Variants in PTPRT observed in about 807,000 individuals in gnomAD.
The protein encoded by PTPRT is receptor-type tyrosine-protein phosphatase T.
PTPRT carries 56 observed loss-of-function variants against 176.8 expected under a neutral mutation model. The observed-to-expected ratio is 0.32, with a 90% CI of 0.26 to 0.40. The LOEUF is 0.40. Among genes scored for constraint, PTPRT ranks in the 10% least tolerant of loss-of-function variants. The pLI is 1.00. For synonymous variants in PTPRT, 783 were observed against 739.0 expected (o/e 1.06, Z -0.96); for missense variants, 1,540 against 1,908.2 (o/e 0.81, Z 3.60).
intron 11 of PTPRT, among the ~76,000 whole-genome samples, chr20:42,320,164 C>T (rs1021816577): frequency 6.6e-6 from 1 of 152,202 alleles, no homozygotes; most frequent in Non-Finnish European, 1.5e-5. Context: ...AAGGTGACTT[C>T]TGTAAGGTCA....
At chr20:42,973,195 T>C (rs561175323) in intron 1 of PTPRT, among the ~76,000 whole-genome samples, 2 of 151,962 alleles carry the variant, frequency 1.3e-5, no homozygotes, top group South Asian at 4.2e-4. Flanking sequence ...GAATGAGGAA[T>C]CGTGGATACC....
chr20:42,058,858 G>A, the PTPRT span, among the ~76,000 whole-genome samples: 1 of 152,022 alleles, frequency 6.6e-6, no homozygotes, highest in South Asian at 2.1e-4. Flanking sequence ...CTGCCTCTTT[G>A]TTTTTCTCAG....
chr20:42,227,600 GTTTTTTTTTT>G (rs10854224), intron 15 of PTPRT, among the ~76,000 whole-genome samples: 3 of 61,868 alleles, frequency 4.8e-5, no homozygotes, highest in Non-Finnish European at 8.5e-5. Context: ...GTCCCTCATT[GTTTTTTTTTT>G]TTTTTTTTTT....
intron 1 of PTPRT, among the ~76,000 whole-genome samples, chr20:43,027,364 T>C (rs1985954328): frequency 6.6e-6 from 1 of 151,598 alleles, no homozygotes; most frequent in African/African-American, 2.4e-5. Context: ...TAATCCCAGC[T>C]ACTTGGGAGG....
intron 6 of PTPRT, among the ~76,000 whole-genome samples, chr20:42,739,353 T>C (rs4812640): frequency 0.71 from 108,257 of 151,698 alleles, 38,807 homozygotes; most frequent in East Asian, 0.92. Flanking sequence ...GAGAGGAGGA[T>C]GTGGTAGGGG....
At chr20:42,240,225 A>G (rs1244275997) in intron 14 of PTPRT, among the ~76,000 whole-genome samples, 1 of 152,234 alleles carries the variant, frequency 6.6e-6, no homozygotes, top group Non-Finnish European at 1.5e-5. Context: ...GGTAACTGAC[A>G]AACTTCTATT....
At chr20:42,432,129 C>T (rs777810557) in intron 9 of PTPRT, among the ~76,000 whole-genome samples, 14 of 152,156 alleles carry the variant, frequency 9.2e-5, no homozygotes, top group East Asian at 5.8e-4. Flanking sequence ...AGAAGGGAGA[C>T]GCCCAAGCCA....
chr20:43,019,488 G>T (rs763092371), intron 1 of PTPRT, among the ~76,000 whole-genome samples: 33 of 151,830 alleles, frequency 2.2e-4, no homozygotes, highest in Non-Finnish European at 4.6e-4. Context: ...GTGTGGTGGT[G>T]CATGTCTGTA....
chr20:42,285,604 C>T (rs770045982), intron 12 of PTPRT, among the ~76,000 whole-genome samples: 18 of 151,740 alleles, frequency 1.2e-4, no homozygotes, highest in South Asian at 6.2e-4. Context: ...AAATCATGAG[C>T]GATATATCTG....
chr20:42,848,201 A>G (rs530272906), intron 2 of PTPRT, among the ~76,000 whole-genome samples: 2 of 152,322 alleles, frequency 1.3e-5, no homozygotes, highest in African/African-American at 4.8e-5. Context: ...CATGGCATAT[A>G]CATGCCATAA....
chr20:42,154,745 T>G (rs897433643), intron 17 of PTPRT, among the ~76,000 whole-genome samples: 2 of 152,198 alleles, frequency 1.3e-5, no homozygotes. Context: ...CTGACTACCA[T>G]GGCAGCAGTT....
chr20:43,085,778 T>C (rs899493676), intron 1 of PTPRT, among the ~76,000 whole-genome samples: 1 of 152,176 alleles, frequency 6.6e-6, no homozygotes, highest in African/African-American at 2.4e-5. Flanking sequence ...TTACAGGAGC[T>C]ACAATTCAAG....
rs1982807645 is a variant in PTPRT at position 42,076,723 on chromosome 20, G to A, written c.*4156C>T. The A allele has an allele frequency of 5.0e-6, 1 of 201,180 alleles. No homozygotes were observed. The highest frequency in any genetic ancestry group is 2.4e-5 in the African/African-American group (1 of 41,556). 12.5% of individuals were successfully genotyped at this position (201,180 alleles called of 1,614,324 possible). A position where few individuals can be genotyped will look rare whatever the true frequency, so the allele number is the denominator to read the frequency against. Reference sequence around the variant, plus strand: ...GGTGAACAGAACAGAACAACATGAGGAACAGAGCACATTTTTTTTTGAAAT... The same window carrying A: ...GGTGAACAGAACAGAACAACATGAGAAACAGAGCACATTTTTTTTTGAAAT... On this transcript the variant is annotated 3_prime_UTR_variant, in exon 31 of 31. Transcript: ENST00000373187.
intron 13 of PTPRT, chr20:42,270,409 G>A (rs960913347): frequency 1.3e-6 from 2 of 1,549,228 alleles, no homozygotes; most frequent in Admixed American, 2.0e-5. Flanking sequence ...GTGGTGAGGA[G>A]GCAGAGTGGA....
intron 1 of PTPRT, among the ~76,000 whole-genome samples, chr20:43,173,535 T>A (rs542766369): frequency 4.6e-4 from 70 of 152,334 alleles, no homozygotes; most frequent in Non-Finnish European, 9.6e-4. Context: ...ATCCACAAGG[T>A]GGTTGTCCTG....
At chr20:42,218,254 T>TA (rs1443112300) in intron 15 of PTPRT, among the ~76,000 whole-genome samples, 2 of 152,134 alleles carry the variant, frequency 1.3e-5, no homozygotes, top group African/African-American at 2.4e-5. Context: ...TACATTAAGT[T>TA]AAAAAAACTA....
chr20:43,007,284 TG>T (rs917044510), intron 1 of PTPRT, among the ~76,000 whole-genome samples: 7 of 152,208 alleles, frequency 4.6e-5, no homozygotes, highest in African/African-American at 1.7e-4. Context: ...AGGTATTTTT[TG>T]GTTCTGATTT....
intron 9 of PTPRT, among the ~76,000 whole-genome samples, chr20:42,426,392 T>C (rs2059164251): frequency 6.6e-6 from 1 of 151,966 alleles, no homozygotes; most frequent in Non-Finnish European, 1.5e-5. Flanking sequence ...ATGACCAAAA[T>C]CCAGGGGAAG....
intron 7 of PTPRT, among the ~76,000 whole-genome samples, chr20:42,635,309 A>G (rs545577981): frequency 1.2e-3 from 185 of 152,272 alleles, no homozygotes; most frequent in Non-Finnish European, 2.2e-3. Context: ...ACTTGATAGC[A>G]AAGAGAACTC....
Sources: gnomAD v4.1 joint callset for allele counts (sites outside exome capture counted in the v4.1 genomes callset) on GRCh38, gnomAD v4.1.1 for gene constraint, MANE v1.5 for transcripts, NCBI Gene and HGNC (gene_info 2026-07-23, HGNC 2026-07-21) for gene names.